SMAD2: variants seen among roughly 807,000 people sequenced by gnomAD.
The protein encoded by SMAD2 is MAD homolog 2.
In SMAD2, 8 loss-of-function variants were observed where a neutral mutation model predicts 64.4. The observed-to-expected ratio is 0.12, with a 90% confidence interval of 0.07 to 0.22. SMAD2 has a LOEUF of 0.22. Among genes scored for constraint, SMAD2 ranks in the 10% least tolerant of loss-of-function variants. The probability of loss-of-function intolerance (pLI) is 1.00; values close to 1 mark genes in which losing one functional copy is unlikely to be tolerated. For synonymous variants in SMAD2, 203 were observed against 195.8 expected, an observed-to-expected ratio of 1.04 and a Z score of -0.31; for missense variants, 289 against 561.2, an observed-to-expected ratio of 0.51 and a Z score of 4.90.
intron 2 of SMAD2, among the ~76,000 whole-genome samples, chr18:47,874,669 A>T (rs1429491434): frequency 6.6e-6 from 1 of 152,184 alleles, no homozygotes; most frequent in African/African-American, 2.4e-5. Context: ...GAAAGGTCTA[A>T]AATATGCTAC....
At chr18:47,842,404 G>A (rs1232490909) in intron 10 of SMAD2, among the ~76,000 whole-genome samples, 1 of 152,126 alleles carries the variant, frequency 6.6e-6, no homozygotes, top group African/African-American at 2.4e-5. Context: ...GCTGGGCGTG[G>A]TGGCGTGTGC....
At chr18:47,928,652 TAG>T (rs2034865429) in intron 1 of SMAD2, among the ~76,000 whole-genome samples, 2 of 152,222 alleles carry the variant, frequency 1.3e-5, no homozygotes, top group South Asian at 4.1e-4. Context: ...ACAGACTGTG[TAG>T]AGACATGACC....
rs1259348892 is a variant in SMAD2 at position 47,809,480 on chromosome 18, G to A, written c.*32347C>T. On this transcript the variant is annotated 3_prime_UTR_variant, in exon 11 of 11. Coordinates refer to ENST00000262160, the MANE Select transcript of SMAD2 (RefSeq NM_005901.6). ...GTGTAGATGTGTGCACTTATGCAGA[G>A]TGGCCTACCTGCCCCCACCCCACCT... is the stretch of plus-strand genomic sequence containing the variant. 6.6e-6 allele frequency: 1 copy of A among 152,028 alleles called. No homozygotes were observed. The highest frequency in any genetic ancestry group is 1.5e-5 in the Non-Finnish European group (1 of 68,204). The allele number at this position is 152,028 out of a possible 1,614,324, so 9.4% of individuals were successfully genotyped here.
At position 47,829,099 on chromosome 18, in the gene SMAD2, A is replaced by G. The variant is rs1435651731; in HGVS notation, c.*12728T>C. 1 of 152,168 alleles carries G rather than the reference A, an allele frequency of 6.6e-6. No individual in the cohort carries two copies. The highest frequency in any genetic ancestry group is 2.4e-5 in the African/African-American group (1 of 41,430). The allele number at this position is 152,168 out of a possible 1,614,324, so 9.4% of individuals were successfully genotyped here. A position where few individuals can be genotyped will look rare whatever the true frequency, so the allele number is the denominator to read the frequency against. ...GAGCTTCCCTGTGAATGAGAACAGA[A>G]AAAGTTCAGGAGCCACCAGAGGATG... On this transcript the variant is annotated 3_prime_UTR_variant, in exon 11 of 11. Coordinates refer to ENST00000262160, the MANE Select transcript of SMAD2 (RefSeq NM_005901.6).
chr18:47,909,025 C>T (rs2034016582), intron 1 of SMAD2, among the ~76,000 whole-genome samples: 1 of 151,542 alleles, frequency 6.6e-6, no homozygotes, highest in Non-Finnish European at 1.5e-5. Flanking sequence ...GCTGCAGTTG[C>T]CCACCATTTC....
chr18:47,924,752 T>C (rs1379066931), intron 1 of SMAD2, among the ~76,000 whole-genome samples: 3 of 152,198 alleles, frequency 2.0e-5, no homozygotes, highest in Admixed American at 6.5e-5. Context: ...CGTGAGCCAC[T>C]GCCTCCGGCC....
chr18:47,867,574 T>A (rs1475781604), intron 5 of SMAD2, among the ~76,000 whole-genome samples: 2 of 150,930 alleles, frequency 1.3e-5, no homozygotes, highest in South Asian at 2.1e-4. Flanking sequence ...CATCCTAACA[T>A]CATGCTGTTT....
intron 1 of SMAD2, among the ~76,000 whole-genome samples, chr18:47,904,506 C>T (rs977929892): frequency 2.0e-5 from 3 of 152,028 alleles, no homozygotes; most frequent in African/African-American, 7.3e-5. Context: ...CAAAGGCACA[C>T]AGATGCTGAG....
intron 2 of SMAD2, among the ~76,000 whole-genome samples, chr18:47,871,274 ACAGC>A (rs1283603330): frequency 1.3e-5 from 2 of 152,206 alleles, no homozygotes; most frequent in Non-Finnish European, 2.9e-5. Context: ...TGGAACTTTG[ACAGC>A]CAATGTCTCA....
intron 1 of SMAD2, among the ~76,000 whole-genome samples, chr18:47,924,484 C>T (rs1424780542): frequency 2.0e-5 from 3 of 148,522 alleles, no homozygotes; most frequent in South Asian, 4.3e-4. Flanking sequence ...TTTTTTGAGA[C>T]GGAGTCTTGC....
chr18:47,876,063 A>G (rs989245446), intron 2 of SMAD2, among the ~76,000 whole-genome samples: 9 of 152,078 alleles, frequency 5.9e-5, no homozygotes, highest in African/African-American at 2.2e-4. Flanking sequence ...GCTGTTTACA[A>G]AGTACTAAGG....
At chr18:47,866,786 C>A (rs2031594927) in intron 5 of SMAD2, 1 of 152,098 alleles carries the variant, frequency 6.6e-6, no homozygotes, top group Non-Finnish European at 1.5e-5. Flanking sequence ...TAAAGCCCCA[C>A]TGTCCAGAAA....
At chr18:47,847,303 T>C (rs973000246) in intron 8 of SMAD2, among the ~76,000 whole-genome samples, 1 of 152,170 alleles carries the variant, frequency 6.6e-6, no homozygotes, top group African/African-American at 2.4e-5. Flanking sequence ...TTCTAGTCAC[T>C]ATCATTTTGC....
chr18:47,863,405 T>C (rs1385555338), intron 6 of SMAD2, among the ~76,000 whole-genome samples: 1 of 152,226 alleles, frequency 6.6e-6, no homozygotes. Context: ...AACACTGCAA[T>C]TATTTTAGCT....
chr18:47,859,839 TAA>T (rs753450752), intron 6 of SMAD2, among the ~76,000 whole-genome samples: 1 of 152,140 alleles, frequency 6.6e-6, no homozygotes, highest in South Asian at 2.1e-4. Context: ...AATAAAAAAT[TAA>T]AAAGTCAAAT....
chr18:47,925,169 C>T (rs1391632493), intron 1 of SMAD2, among the ~76,000 whole-genome samples: 5 of 152,332 alleles, frequency 3.3e-5, no homozygotes, highest in South Asian at 4.1e-4. Flanking sequence ...AGTCTATCCT[C>T]GCTTTCCACT....
At chr18:47,892,455 C>T (rs767069681) in intron 2 of SMAD2, among the ~76,000 whole-genome samples, 1 of 152,200 alleles carries the variant, frequency 6.6e-6, no homozygotes, top group Admixed American at 6.5e-5. Flanking sequence ...CTGCCTCGGC[C>T]TCCCAAAGTG....
Position 47,847,966 on chromosome 18 carries a change from G to C in SMAD2, c.997+509C>G, listed in dbSNP as rs959161044. 9.9e-5 allele frequency among the ~76,000 whole-genome samples: 15 copies of C among 152,192 alleles called. No homozygotes were observed. The East Asian group carries it at 1.5e-3, about 16-fold the overall frequency. On this transcript the variant is annotated intron_variant, in intron 8 of 10. Transcript: ENST00000262160. ...ACCAGAAGTCCCCAGACCACATTTT[G>C]AGATGTCCCTGAATTATATTTTGAA...
chr18:47,861,423 G>T (rs1350179071), intron 6 of SMAD2, among the ~76,000 whole-genome samples: 1 of 152,034 alleles, frequency 6.6e-6, no homozygotes, highest in Admixed American at 6.6e-5. Flanking sequence ...GAACCAAAAA[G>T]TCAATTTAAC....
Sources: gnomAD v4.1 joint callset for allele counts (sites outside exome capture counted in the v4.1 genomes callset) on GRCh38, gnomAD v4.1.1 for gene constraint, MANE v1.5 for transcripts, NCBI Gene and HGNC (gene_info 2026-07-23, HGNC 2026-07-21) for gene names.